MDN1: variants seen among roughly 807,000 people sequenced by gnomAD.
The protein encoded by MDN1 is midasin AAA ATPase 1.
Under a neutral mutation model 669.2 loss-of-function variants are expected in MDN1, and 266 were observed. The observed-to-expected ratio is 0.40, with a 90% CI of 0.36 to 0.44. The LOEUF is 0.44. MDN1 is among the 20% of genes least tolerant of loss of function. MDN1 has a pLI of 1.00. For synonymous variants in MDN1, 2,385 were observed against 2,457.1 expected, an observed-to-expected ratio of 0.97 and a Z score of 0.87; for missense variants, 5,940 against 6,754.0, an observed-to-expected ratio of 0.88 and a Z score of 4.22.
In MDN1 at chr6:89,650,131, G is replaced by A. The variant is rs756889968; in HGVS notation, c.16099C>T (p.Arg5367Trp). ...CTTCGAAGCCAAATCTTGTCTTTCC[G>A]AAATTGACTAGCAATGTATGGAATG... ...KVIPYIASQFRKDKIWLRRTK... is the reference protein window; with the variant it reads ...KVIPYIASQFWKDKIWLRRTK... Residue 5367 changes from arginine to tryptophan, a missense_variant, in exon 97 of 102, where the codon CGG becomes TGG. Transcript: ENST00000369393. The A allele has an allele frequency of 2.5e-6, 4 of 1,614,066 alleles. No homozygotes were observed. Among genetic ancestry groups the A allele is most frequent in the African/African-American group, 1.3e-5 (1 of 75,024 alleles).
rs563671552 is a variant in MDN1 at position 89,801,277 on chromosome 6, A to T, written c.329+2051T>A. 1.9e-4 allele frequency among the ~76,000 whole-genome samples: 29 copies of T among 152,310 alleles called. No homozygotes were observed. The South Asian group carries it at 5.8e-3, about 30-fold the overall frequency. On this transcript the variant is annotated intron_variant, in intron 2 of 101. Coordinates refer to ENST00000369393, the MANE Select transcript of MDN1 (RefSeq NM_014611.3). Reference sequence around the variant, plus strand: ...CCAGGCTCACGCCTGTAATCCCAGCACTTTGGGAGGCCGAGGCAGGCAGAT... The same window carrying T: ...CCAGGCTCACGCCTGTAATCCCAGCTCTTTGGGAGGCCGAGGCAGGCAGAT...
At chr6:89,750,295 A>G (rs1054614332) in intron 24 of MDN1, 59 bp downstream of exon 24, 6 of 1,480,508 alleles carry the variant, frequency 4.1e-6, no homozygotes, top group Admixed American at 3.7e-5. Context: ...AATATTACTT[A>G]AGGAAATGTG....
chr6:89,675,584 CAGA>C lies in MDN1; in HGVS notation c.12646-8_12646-6del. On this transcript the variant is annotated splice_polypyrimidine_tract_variant and splice_region_variant and intron_variant, in intron 77 of 101. Transcript: ENST00000369393. ...CACGTTGCCCATGCCCATTTCCTGG[CAGA>C]AGAAGGAAAAACATGCTGAAGGGGC... The C allele has an allele frequency of 6.2e-7, 1 of 1,611,924 alleles. No homozygotes were observed. Among genetic ancestry groups the C allele is most frequent in the Non-Finnish European group, 8.5e-7 (1 of 1,178,780 alleles).
chr6:89,720,358 C>T (rs1402648523), intron 40 of MDN1, among the ~76,000 whole-genome samples: 1 of 151,146 alleles, frequency 6.6e-6, no homozygotes, highest in Admixed American at 6.6e-5. Flanking sequence ...CAAGATCACG[C>T]CACTGTACTC....
intron 1 of MDN1, 27 bp from the exon 2 acceptor site, chr6:89,803,581 T>A: frequency 2.0e-6 from 3 of 1,485,774 alleles, no homozygotes; most frequent in Non-Finnish European, 1.9e-6. Context: ...AAAACATCTT[T>A]CACTTTTTTT....
intron 95 of MDN1, 37 bp downstream of exon 95, chr6:89,652,155 A>T (rs1301124315): frequency 6.4e-7 from 1 of 1,557,758 alleles, no homozygotes; most frequent in Non-Finnish European, 8.8e-7. Context: ...AAAAAAGTCG[A>T]GATATTTTAT....
chr6:89,754,458 T>C (rs1288631299), intron 20 of MDN1, among the ~76,000 whole-genome samples: 2 of 152,204 alleles, frequency 1.3e-5, no homozygotes, highest in Non-Finnish European at 2.9e-5. Context: ...TTGGGGAAAC[T>C]GGGAAGTGCA....
intron 73 of MDN1, 87 bp downstream of exon 73, chr6:89,683,045 C>G: frequency 1.5e-6 from 2 of 1,332,074 alleles, no homozygotes; most frequent in East Asian, 2.3e-5. Flanking sequence ...ATTTTCTTGT[C>G]TAGTACTGAG....
chr6:89,675,457 C>G lies in MDN1; in HGVS notation c.12761+7G>C. 6.2e-7 allele frequency: 1 copy of G among 1,609,650 alleles called. No homozygotes were observed. The highest frequency in any genetic ancestry group is 8.5e-7 in the Non-Finnish European group (1 of 1,177,290). ...TCATGCCACAAGCCCAACTCATCAG[C>G]TGATACCTGAGGATGATCCACTGCT... On this transcript the variant is annotated splice_region_variant and intron_variant, in intron 78 of 101. Coordinates refer to ENST00000369393, the MANE Select transcript of MDN1 (RefSeq NM_014611.3).
intron 9 of MDN1, among the ~76,000 whole-genome samples, chr6:89,783,577 A>G (rs1254974170): frequency 1.3e-5 from 2 of 152,092 alleles, no homozygotes; most frequent in Non-Finnish European, 2.9e-5. Context: ...ATCTTTGATA[A>G]ACCCTTATTA....
Position 89,722,904 on chromosome 6 carries a change from G to A in MDN1, c.5967+51C>T, listed in dbSNP as rs762729428. On this transcript the variant is annotated intron_variant, in intron 40 of 101. Transcript: ENST00000369393. The stretch of plus-strand genomic sequence containing the variant: ...AGTGTATGTCCTTTCTCACCCACAG[G>A]AAATCAACTTTCAGATGGAAAGAAA... 68 of 1,517,880 alleles carry A rather than the reference G, an allele frequency of 4.5e-5. No individual in the cohort carries two copies. In the South Asian group the frequency reaches 6.6e-4, roughly 15 times the overall value. 94.0% of individuals were successfully genotyped at this position (1,517,880 alleles called of 1,614,324 possible).
intron 57 of MDN1, 116 bp downstream of exon 57, chr6:89,699,947 C>T (rs1813029568): frequency 6.1e-6 from 7 of 1,152,554 alleles, no homozygotes; most frequent in Non-Finnish European, 8.5e-6. Flanking sequence ...CAAATCACTT[C>T]CCTCTGCTTC....
intron 13 of MDN1, 143 bp from the exon 14 acceptor site, chr6:89,772,864 T>C (rs1818174596): frequency 4.5e-6 from 4 of 890,702 alleles, no homozygotes; most frequent in South Asian, 1.9e-5. Context: ...CAGATAATCT[T>C]ACAACATACA....
chr6:89,645,368 T>C (rs1808429044), intron 100 of MDN1, among the ~76,000 whole-genome samples: 1 of 152,160 alleles, frequency 6.6e-6, no homozygotes, highest in African/African-American at 2.4e-5. Flanking sequence ...CAAGGCATAA[T>C]AAGGGATACT....
chr6:89,718,382 G>A lies in MDN1; in HGVS notation c.6567C>T (p.Asn2189=). The stretch of plus-strand genomic sequence containing the variant: ...TATACATACCTGCCTTGCAGTATGA[G>A]TTGATTTTATTGTTGAGTCGCTGCA... The part of the protein sequence containing the change: ...LLMQRLNNKI[N]SYCKAEFAKL... The change falls in exon 43 of 102, where the codon AAC becomes AAT. Residue 2189 remains asparagine, a synonymous_variant. Coordinates refer to ENST00000369393, the MANE Select transcript of MDN1 (RefSeq NM_014611.3). The A allele has an allele frequency of 1.9e-6, 3 of 1,613,826 alleles. No individual in the cohort carries two copies. The highest frequency in any genetic ancestry group is 2.5e-6 in the Non-Finnish European group (3 of 1,180,002).
chr6:89,713,216 C>A lies in MDN1; in HGVS notation c.7150G>T (p.Asp2384Tyr). 1 of 1,614,130 alleles carries A rather than the reference C, an allele frequency of 6.2e-7. No individual in the cohort carries two copies. Among genetic ancestry groups the A allele is most frequent in the Non-Finnish European group, 8.5e-7 (1 of 1,179,994 alleles). Reference protein sequence around the residue: ...VQYLQRGLSLDRAFSEACWEV... With the variant: ...VQYLQRGLSLYRAFSEACWEV... ...CAGCATGCTTCAGAAAAGGCTCTGT[C>A]TAAACTCAGCCCTCGCTGCAGGTAC... The change falls in exon 47 of 102, where the codon GAC becomes TAC. Residue 2384 changes from aspartate to tyrosine, a missense_variant. This residue lies in a region of MDN1 where 2,292 missense variants were observed against 2,638.3 expected (regional missense o/e 0.87). Coordinates refer to ENST00000369393, the MANE Select transcript of MDN1 (RefSeq NM_014611.3).
At chr6:89,688,262 C>CGAA (rs1227522897) in intron 66 of MDN1, 89 bp from the exon 67 acceptor site, 12 of 1,194,252 alleles carry the variant, frequency 1.0e-5, no homozygotes, top group African/African-American at 1.5e-5. Context: ...CAGAAGATTC[C>CGAA]CCCCAGTTCT....
chr6:89,806,889 C>A (rs1007250744), intron 1 of MDN1, among the ~76,000 whole-genome samples: 3 of 151,974 alleles, frequency 2.0e-5, no homozygotes, highest in Non-Finnish European at 2.9e-5. Flanking sequence ...CACTGCACTC[C>A]AGCCTGGGTA....
intron 75 of MDN1, 134 bp downstream of exon 75, chr6:89,678,465 C>A (rs1811383013): frequency 1.0e-6 from 1 of 988,566 alleles, no homozygotes; most frequent in African/African-American, 1.6e-5. Context: ...TCTTAGACAT[C>A]TGGAAACCTT....
Sources: gnomAD v4.1 joint callset for allele counts (sites outside exome capture counted in the v4.1 genomes callset) on GRCh38, gnomAD v4.1.1 for gene constraint, gnomAD v4.1.1 regional missense constraint, MANE v1.5 for transcripts, NCBI Gene and HGNC (gene_info 2026-07-23, HGNC 2026-07-21) for gene names.